Variants in GREM2 observed in about 807,000 individuals in gnomAD.
GREM2 encodes gremlin-2.
In GREM2, 11 loss-of-function variants were observed where a neutral mutation model predicts 14.2. The ratio of observed to expected loss-of-function variants is 0.78; its 90% CI spans 0.49 to 1.28. The LOEUF (loss-of-function observed/expected upper bound fraction) is 1.28. Ranked by LOEUF, GREM2 falls within the 50% of genes most tolerant of loss-of-function variation. The pLI is 0.00. For synonymous variants in GREM2, 98 were observed against 97.6 expected (o/e 1.00, Z -0.02); for missense variants, 210 against 218.5 (o/e 0.96, Z 0.24).
chr1:240,552,724 G>A (rs1272784531), intron 1 of GREM2, among the ~76,000 whole-genome samples: 2 of 152,204 alleles, frequency 1.3e-5, no homozygotes, highest in African/African-American at 2.4e-5. Context: ...AGATTCATTA[G>A]GTATAAATGC....
At chr1:240,598,143 A>C (rs1457545103) in intron 1 of GREM2, among the ~76,000 whole-genome samples, 1 of 152,216 alleles carries the variant, frequency 6.6e-6, no homozygotes, top group Non-Finnish European at 1.5e-5. Context: ...ATCAAGAAAC[A>C]ACAGGAATAT....
At chr1:240,508,190 A>G (rs1051673192) in intron 1 of GREM2, among the ~76,000 whole-genome samples, 10 of 152,196 alleles carry the variant, frequency 6.6e-5, no homozygotes, top group African/African-American at 2.4e-4. Context: ...TCACCACTGT[A>G]TCTCTGGATT....
At chr1:240,555,563 C>T (rs778638439) in intron 1 of GREM2, among the ~76,000 whole-genome samples, 4 of 152,172 alleles carry the variant, frequency 2.6e-5, no homozygotes, top group Admixed American at 6.5e-5. Context: ...TAGCAGTGTT[C>T]GGTGTGCCCT....
chr1:240,539,504 T>C (rs146620627), intron 1 of GREM2, among the ~76,000 whole-genome samples: 164 of 152,356 alleles, frequency 1.1e-3, no homozygotes, highest in African/African-American at 3.2e-3. Context: ...TAGATTTTAC[T>C]ATACCCTCTG....
intron 1 of GREM2, among the ~76,000 whole-genome samples, chr1:240,509,307 GA>G (rs1337455550): frequency 1.3e-5 from 2 of 151,672 alleles, no homozygotes; most frequent in African/African-American, 4.8e-5. Context: ...CAGGTGTAGT[GA>G]AGGTCAGCAT....
chr1:240,580,168 A>G (rs1197473803), intron 1 of GREM2, among the ~76,000 whole-genome samples: 1 of 152,188 alleles, frequency 6.6e-6, no homozygotes, highest in Non-Finnish European at 1.5e-5. Context: ...AGGCAGGCAG[A>G]TTGCTTGAGC....
chr1:240,605,209 G>A (rs983961816), intron 1 of GREM2, among the ~76,000 whole-genome samples: 3 of 152,128 alleles, frequency 2.0e-5, no homozygotes, highest in Non-Finnish European at 4.4e-5. Context: ...GCTGGCGAGT[G>A]TACCCTTTCT....
At chr1:240,572,750 A>G (rs958888443) in intron 1 of GREM2, among the ~76,000 whole-genome samples, 11 of 152,212 alleles carry the variant, frequency 7.2e-5, no homozygotes, top group Non-Finnish European at 1.5e-4. Context: ...TAAATATTTC[A>G]GTCAAGCAGT....
intron 1 of GREM2, among the ~76,000 whole-genome samples, chr1:240,521,727 C>G (rs1415843756): frequency 6.6e-6 from 1 of 152,082 alleles, no homozygotes; most frequent in African/African-American, 2.4e-5. Flanking sequence ...CTTAAAATGG[C>G]CAACTCTTTC....
chr1:240,548,807 A>G (rs569813748), intron 1 of GREM2, among the ~76,000 whole-genome samples: 5 of 152,294 alleles, frequency 3.3e-5, no homozygotes, highest in Non-Finnish European at 5.9e-5. Flanking sequence ...ATGAAGGAGA[A>G]AAAAGGAAAA....
intron 1 of GREM2, among the ~76,000 whole-genome samples, chr1:240,593,892 C>T (rs564078660): frequency 6.6e-6 from 1 of 152,040 alleles, no homozygotes; most frequent in East Asian, 2.0e-4. Context: ...GTGTTAATCG[C>T]ACCCTCTTTC....
chr1:240,516,995 G>A (rs1189141025), intron 1 of GREM2, among the ~76,000 whole-genome samples: 1 of 152,058 alleles, frequency 6.6e-6, no homozygotes, highest in Admixed American at 6.6e-5. Context: ...TCTTCAAATC[G>A]CTTTGTGCCA....
At chr1:240,508,537 A>G (rs1310585748) in intron 1 of GREM2, among the ~76,000 whole-genome samples, 1 of 152,232 alleles carries the variant, frequency 6.6e-6, no homozygotes, top group Non-Finnish European at 1.5e-5. Flanking sequence ...GTAAATAAAA[A>G]GGACTTCTAC....
At chr1:240,599,387 G>C (rs1215385966) in intron 1 of GREM2, among the ~76,000 whole-genome samples, 2 of 152,190 alleles carry the variant, frequency 1.3e-5, no homozygotes, top group African/African-American at 4.8e-5. Context: ...CATAAAAAAG[G>C]GATGGGGTGA....
chr1:240,561,109 TC>T (rs1233532594), intron 1 of GREM2, among the ~76,000 whole-genome samples: 1 of 152,216 alleles, frequency 6.6e-6, no homozygotes, highest in African/African-American at 2.4e-5. Flanking sequence ...GATTTCAAGT[TC>T]CTAGAGTGTG....
intron 1 of GREM2, among the ~76,000 whole-genome samples, chr1:240,528,946 AG>A (rs1476895344): frequency 1.3e-5 from 2 of 152,074 alleles, no homozygotes; most frequent in Non-Finnish European, 2.9e-5. Context: ...CTTTCTTGAA[AG>A]GAGCACTTGA....
At chr1:240,533,675 T>C (rs929641762) in intron 1 of GREM2, among the ~76,000 whole-genome samples, 7 of 152,024 alleles carry the variant, frequency 4.6e-5, no homozygotes, top group Non-Finnish European at 1.0e-4. Context: ...ACAATTGGGA[T>C]AGAGGAGCAG....
At chr1:240,546,700 C>T (rs939156042) in intron 1 of GREM2, among the ~76,000 whole-genome samples, 3 of 152,034 alleles carry the variant, frequency 2.0e-5, no homozygotes, top group African/African-American at 7.3e-5. Flanking sequence ...AAATATACTG[C>T]AATGTGTTAA....
At chr1:240,523,043 A>G (rs1164207927) in intron 1 of GREM2, among the ~76,000 whole-genome samples, 1 of 152,240 alleles carries the variant, frequency 6.6e-6, no homozygotes, top group Non-Finnish European at 1.5e-5. Context: ...ATGGAAGGCA[A>G]TGAACACTTT....
Sources: allele counts gnomAD v4.1 joint callset (sites outside exome capture counted in the v4.1 genomes callset), GRCh38; gene constraint gnomAD v4.1.1; transcripts MANE v1.5; gene names NCBI Gene and HGNC (gene_info 2026-07-23, HGNC 2026-07-21).